The following DENND4C variants were observed in gnomAD, a reference collection of about 807,000 sequenced individuals.
DENND4C encodes DENN domain-containing protein 4C.
Under a neutral mutation model 203.0 loss-of-function variants are expected in DENND4C, and 108 were observed. The observed-to-expected ratio is 0.53, with a 90% CI of 0.46 to 0.62. The LOEUF is 0.62. Among genes scored for constraint, DENND4C ranks in the 20% least tolerant of loss-of-function variants. DENND4C has a pLI of 0.00. For synonymous variants in DENND4C, 871 were observed against 792.4 expected (o/e 1.10, Z -1.67); for missense variants, 2,481 against 2,301.2 (o/e 1.08, Z -1.60).
At chr9:19,319,132 C>T (rs1477339213) in intron 12 of DENND4C, among the ~76,000 whole-genome samples, 7 of 150,296 alleles carry the variant, frequency 4.7e-5, no homozygotes, top group Non-Finnish European at 1.0e-4. Flanking sequence ...TCACTGTACT[C>T]CAGCCTGGGC....
At chr9:19,293,109 A>G (rs535796569) in intron 5 of DENND4C, among the ~76,000 whole-genome samples, 148 of 152,312 alleles carry the variant, frequency 9.7e-4, no homozygotes, top group Middle Eastern at 3.4e-3. Context: ...ATCATTTACA[A>G]TTTCTCCTGC....
Position 19,256,309 on chromosome 9 carries a change from G to GT in DENND4C, c.-17-19832dup, listed in dbSNP as rs1165191635. On this transcript the variant is annotated intron_variant, in intron 1 of 32. Coordinates refer to ENST00000434457, the MANE Select transcript of DENND4C (RefSeq NM_001330640.2). ...TTTTTTCTTTTCTGTTTTTTTTTTT[G>GT]TTTTTTTTTTTTTTTTTGAGATGGA... 2.0e-3 allele frequency among the ~76,000 whole-genome samples: 173 copies of GT among 84,854 alleles called. 3 individuals carry two copies. Among genetic ancestry groups the GT allele is most frequent in the African/African-American group, 3.5e-3 (71 of 20,114 alleles). 55.7% of individuals were successfully genotyped at this position (84,854 alleles called of 152,430 possible). A position where few individuals can be genotyped will look rare whatever the true frequency, so the allele number is the denominator to read the frequency against.
At chr9:19,300,743 G>A (rs1838388400) in intron 9 of DENND4C, among the ~76,000 whole-genome samples, 1 of 152,282 alleles carries the variant, frequency 6.6e-6, no homozygotes, top group Non-Finnish European at 1.5e-5. Flanking sequence ...GTAATATACA[G>A]GAAATTCTAA....
At chr9:19,315,602 T>C (rs1841683458) in intron 10 of DENND4C, among the ~76,000 whole-genome samples, 1 of 151,090 alleles carries the variant, frequency 6.6e-6, no homozygotes, top group Non-Finnish European at 1.5e-5. Context: ...TGTGTGTGTA[T>C]ATATATACAC....
chr9:19,270,464 G>T (rs538224184), intron 1 of DENND4C, among the ~76,000 whole-genome samples: 3 of 152,276 alleles, frequency 2.0e-5, no homozygotes, highest in African/African-American at 7.2e-5. Context: ...TACTGTGGAT[G>T]AGCTCATACC....
chr9:19,367,334 C>G (rs1267987757), intron 30 of DENND4C, among the ~76,000 whole-genome samples: 1 of 152,242 alleles, frequency 6.6e-6, no homozygotes, highest in Non-Finnish European at 1.5e-5. Context: ...AGCAGTTGCA[C>G]TCACGTATAT....
intron 1 of DENND4C, among the ~76,000 whole-genome samples, chr9:19,259,631 G>T (rs913039901): frequency 6.6e-6 from 1 of 150,664 alleles, no homozygotes; most frequent in South Asian, 2.1e-4. Flanking sequence ...TTAGCCTCCC[G>T]AGTAGCTGGG....
chr9:19,341,215 A>ATG, intron 21 of DENND4C, 101 bp downstream of exon 21: 5 of 1,005,626 alleles, frequency 5.0e-6, no homozygotes, highest in Non-Finnish European at 6.9e-6. Flanking sequence ...ATTTTCACAA[A>ATG]TGTAAGGTCT....
intron 1 of DENND4C, among the ~76,000 whole-genome samples, chr9:19,235,275 T>C (rs1821653191): frequency 1.3e-5 from 2 of 152,166 alleles, no homozygotes; most frequent in Admixed American, 1.3e-4. Flanking sequence ...GAAAGTCGAC[T>C]TTCTTTGAAT....
chr9:19,340,486 T>C (rs767950231), intron 20 of DENND4C, among the ~76,000 whole-genome samples: 4 of 152,150 alleles, frequency 2.6e-5, no homozygotes, highest in Non-Finnish European at 5.9e-5. Context: ...TTTTTTAACA[T>C]GCAGAAGTGT....
chr9:19,366,178 C>G (rs1287479763), intron 30 of DENND4C, among the ~76,000 whole-genome samples: 1 of 152,188 alleles, frequency 6.6e-6, no homozygotes, highest in East Asian at 1.9e-4. Flanking sequence ...TACTGCAAAG[C>G]TACAGTAATC....
chr9:19,279,452 A>T (rs1233365934), intron 2 of DENND4C, among the ~76,000 whole-genome samples: 2 of 152,102 alleles, frequency 1.3e-5, no homozygotes, highest in Non-Finnish European at 2.9e-5. Flanking sequence ...AGGCAAGCCG[A>T]TCACTTGTGG....
At chr9:19,232,709 G>A (rs1820886212) in intron 1 of DENND4C, among the ~76,000 whole-genome samples, 2 of 152,150 alleles carry the variant, frequency 1.3e-5, no homozygotes, top group Non-Finnish European at 2.9e-5. Flanking sequence ...AAATTACAAG[G>A]AACTGTAGTG....
chr9:19,247,554 C>G (rs1478817612), intron 1 of DENND4C, among the ~76,000 whole-genome samples: 1 of 152,152 alleles, frequency 6.6e-6, no homozygotes, highest in African/African-American at 2.4e-5. Context: ...TACTACCACA[C>G]CTGGCTAATT....
At chr9:19,343,922 A>G (rs1391021221) in intron 22 of DENND4C, among the ~76,000 whole-genome samples, 1 of 152,240 alleles carries the variant, frequency 6.6e-6, no homozygotes, top group Non-Finnish European at 1.5e-5. Flanking sequence ...TGGAAATACT[A>G]TGAGAACCAA....
intron 12 of DENND4C, among the ~76,000 whole-genome samples, chr9:19,320,943 GA>G (rs1179804515): frequency 1.3e-5 from 2 of 152,158 alleles, no homozygotes; most frequent in African/African-American, 4.8e-5. Context: ...ATCTAAAAGG[GA>G]TGGCAGTCAG....
chr9:19,231,622 A>G (rs1050039409), intron 1 of DENND4C, among the ~76,000 whole-genome samples: 1 of 151,238 alleles, frequency 6.6e-6, no homozygotes, highest in South Asian at 2.1e-4. Context: ...CTAATAAGGA[A>G]TTACCCAGTT....
At chr9:19,251,775 A>C (rs1826664805) in intron 1 of DENND4C, among the ~76,000 whole-genome samples, 1 of 152,182 alleles carries the variant, frequency 6.6e-6, no homozygotes, top group Non-Finnish European at 1.5e-5. Flanking sequence ...ACGTAACAAG[A>C]GTCACCTTTG....
At chr9:19,319,011 A>T (rs1425096568) in intron 12 of DENND4C, among the ~76,000 whole-genome samples, 6 of 151,966 alleles carry the variant, frequency 3.9e-5, no homozygotes, top group Non-Finnish European at 5.9e-5. Context: ...TCTACTAAAA[A>T]TACAAAAATT....
Sources: allele counts gnomAD v4.1 joint callset (sites outside exome capture counted in the v4.1 genomes callset), GRCh38; gene constraint gnomAD v4.1.1; transcripts MANE v1.5; gene names NCBI Gene and HGNC (gene_info 2026-07-23, HGNC 2026-07-21).